TCF12: variants seen among roughly 807,000 people sequenced by gnomAD.
The protein encoded by TCF12 is transcription factor 12, also known as DNA-binding protein HTF4.
A neutral mutation model predicts 86.0 loss-of-function variants in TCF12; 45 were observed. The ratio of observed to expected loss-of-function variants is 0.52; its 90% CI spans 0.41 to 0.67. TCF12 has a LOEUF of 0.67. Ranked by LOEUF, TCF12 falls within the 30% of genes least tolerant of loss-of-function variation. The pLI, the probability that TCF12 is intolerant of heterozygous loss-of-function variation, is 0.00. For synonymous variants in TCF12, 330 were observed against 299.6 expected (o/e 1.10, Z -1.05); for missense variants, 881 against 859.9 (o/e 1.02, Z -0.31).
At chr15:57,138,879 T>A (rs2052753210) in intron 5 of TCF12, among the ~76,000 whole-genome samples, 2 of 152,174 alleles carry the variant, frequency 1.3e-5, no homozygotes, top group Admixed American at 1.3e-4. Flanking sequence ...GATCAAAATT[T>A]TAGGTTTAGA....
chr15:56,998,805 T>C (rs1362093930), intron 3 of TCF12, among the ~76,000 whole-genome samples: 2 of 151,984 alleles, frequency 1.3e-5, no homozygotes, highest in East Asian at 1.9e-4. Flanking sequence ...CTTAACAAAT[T>C]TAAAAGAATT....
chr15:57,087,411 C>CAAAA (rs5812863), intron 4 of TCF12, among the ~76,000 whole-genome samples: 218 of 131,486 alleles, frequency 1.7e-3, no homozygotes, highest in African/African-American at 6.1e-3. Flanking sequence ...GACCCTGTCT[C>CAAAA]AAAAAAAAAA....
In TCF12 at chr15:57,172,953, A is replaced by G. The variant is rs117588939; in HGVS notation, c.390+6487A>G. ...CTGTCTCTATTAAAATTAAAAAAAA[A>G]AAAAAGAAAACTAGTCAGGTGTGGT... On this transcript the variant is annotated intron_variant, in intron 6 of 20. Transcript: ENST00000333725. Among the ~76,000 whole-genome samples the G allele has an allele frequency of 2.4e-4, 36 of 151,764 alleles. No individual in the cohort carries two copies. In the East Asian group the frequency reaches 7.0e-3, roughly 29 times the overall value.
intron 4 of TCF12, among the ~76,000 whole-genome samples, chr15:57,088,962 C>A (rs2048818908): frequency 6.6e-6 from 1 of 152,022 alleles, no homozygotes; most frequent in Non-Finnish European, 1.5e-5. Flanking sequence ...CATCTTGTTT[C>A]ACCAAAAGTT....
intron 8 of TCF12, chr15:57,219,652 C>T: frequency 2.7e-6 from 4 of 1,487,824 alleles, no homozygotes; most frequent in Non-Finnish European, 3.7e-6. Flanking sequence ...GTATACATTA[C>T]TCGCTTTTTA....
chr15:57,009,082 A>G (rs1329146030), intron 3 of TCF12, among the ~76,000 whole-genome samples: 13 of 152,122 alleles, frequency 8.5e-5, no homozygotes, highest in African/African-American at 2.4e-4. Context: ...CTTCTTTTCA[A>G]TACTTAACTA....
At chr15:57,075,758 T>TTGTCTTTC (rs770223227) in intron 4 of TCF12, among the ~76,000 whole-genome samples, 2 of 91,226 alleles carry the variant, frequency 2.2e-5, no homozygotes, top group African/African-American at 8.1e-5. Flanking sequence ...ATGAGGTTTC[T>TTGTCTTTC]TTTCTTTCTT....
chr15:57,222,362 A>G (rs1324493978), intron 8 of TCF12, among the ~76,000 whole-genome samples: 2 of 151,832 alleles, frequency 1.3e-5, no homozygotes, highest in Non-Finnish European at 2.9e-5. Context: ...TATGGCCAGT[A>G]TTTTATTCTT....
chr15:57,282,358 T>A, intron 19 of TCF12, 87 bp from the exon 20 acceptor site: 1 of 1,517,400 alleles, frequency 6.6e-7, no homozygotes, highest in South Asian at 1.1e-5. Context: ...GGAATGAAGT[T>A]ACACAAAACA....
At chr15:56,947,005 C>T (rs2061031747) in intron 3 of TCF12, among the ~76,000 whole-genome samples, 4 of 152,016 alleles carry the variant, frequency 2.6e-5, no homozygotes, top group Admixed American at 2.0e-4. Flanking sequence ...ACCATGTTGG[C>T]TAGGCTGGTC....
intron 3 of TCF12, among the ~76,000 whole-genome samples, chr15:57,016,512 C>A (rs1596133187): frequency 6.6e-6 from 1 of 152,176 alleles, no homozygotes; most frequent in South Asian, 2.1e-4. Context: ...GCTCAGAGTT[C>A]CTGTTTGTAG....
At chr15:57,269,225 A>G (rs1179492317) in intron 18 of TCF12, among the ~76,000 whole-genome samples, 2 of 152,050 alleles carry the variant, frequency 1.3e-5, no homozygotes, top group African/African-American at 2.4e-5. Flanking sequence ...GGGTGTGTAT[A>G]TATTTGGGAT....
chr15:57,080,927 G>T (rs1384608008), intron 4 of TCF12, among the ~76,000 whole-genome samples: 1 of 152,166 alleles, frequency 6.6e-6, no homozygotes, highest in Non-Finnish European at 1.5e-5. Context: ...CATCCCAGAA[G>T]ACTACTGTAC....
chr15:57,154,601 C>T (rs2151476527), intron 5 of TCF12, among the ~76,000 whole-genome samples: 1 of 152,252 alleles, frequency 6.6e-6, no homozygotes, highest in South Asian at 2.1e-4. Flanking sequence ...CTGGATCTTG[C>T]ATACTTTCTT....
At chr15:57,278,055 A>G (rs2081669864) in intron 19 of TCF12, among the ~76,000 whole-genome samples, 1 of 152,018 alleles carries the variant, frequency 6.6e-6, no homozygotes, top group Non-Finnish European at 1.5e-5. Flanking sequence ...GTGGTCTCAA[A>G]CTCCTAGCAC....
intron 16 of TCF12, among the ~76,000 whole-genome samples, chr15:57,254,971 A>C (rs2060283769): frequency 6.6e-6 from 1 of 152,168 alleles, no homozygotes; most frequent in South Asian, 2.1e-4. Flanking sequence ...ATTTGTTACA[A>C]ATGTGAATGC....
intron 7 of TCF12, 130 bp downstream of exon 7, chr15:57,192,423 CTG>C: frequency 7.9e-7 from 1 of 1,269,664 alleles, no homozygotes; most frequent in South Asian, 1.5e-5. Flanking sequence ...GCGTCTCACT[CTG>C]TTACCCATGC....
At chr15:57,150,873 C>CTCCCTTCCTT (rs2053687055) in intron 5 of TCF12, among the ~76,000 whole-genome samples, 2 of 40,626 alleles carry the variant, frequency 4.9e-5, no homozygotes, top group Non-Finnish European at 1.0e-4. Flanking sequence ...CCCCCTCTGT[C>CTCCCTTCCTT]CCTTCCTTCC....
chr15:57,112,276 C>T (rs1309310814), intron 5 of TCF12, among the ~76,000 whole-genome samples: 1 of 152,146 alleles, frequency 6.6e-6, no homozygotes, highest in Non-Finnish European at 1.5e-5. Context: ...TTCAGGTGAT[C>T]TGACTTTCCA....
Sources: gnomAD v4.1 joint callset for allele counts (sites outside exome capture counted in the v4.1 genomes callset) on GRCh38, gnomAD v4.1.1 for gene constraint, MANE v1.5 for transcripts, NCBI Gene and HGNC (gene_info 2026-07-23, HGNC 2026-07-21) for gene names.